The following SLC16A7 variants were observed in gnomAD, a reference collection of about 807,000 sequenced individuals.
SLC16A7 encodes solute carrier family 16 member 7.
In SLC16A7, 33 loss-of-function variants were observed where a neutral mutation model predicts 34.9. That is an observed-to-expected ratio of 0.94 (90% CI 0.72 to 1.26). The LOEUF is 1.26. Ranked by LOEUF, SLC16A7 falls within the 50% of genes most tolerant of loss-of-function variation. SLC16A7 has a pLI of 0.00. For missense variants in SLC16A7, 573 were observed against 578.1 expected (o/e 0.99, Z 0.09); for synonymous variants, 201 against 206.6 (o/e 0.97, Z 0.23).
chr12:59,771,500 C>A, intron 4 of SLC16A7, 138 bp downstream of exon 4: 1 of 525,970 alleles, frequency 1.9e-6, no homozygotes, highest in Non-Finnish European at 3.1e-6. Flanking sequence ...ATATTTTCAT[C>A]TAGTACATTG....
chr12:59,699,809 A>C (rs1327474824), intron 2 of SLC16A7, among the ~76,000 whole-genome samples: 1 of 151,802 alleles, frequency 6.6e-6, no homozygotes, highest in Non-Finnish European at 1.5e-5. Context: ...AACAGCAAAA[A>C]AATTTGTTAT....
intron 3 of SLC16A7, among the ~76,000 whole-genome samples, chr12:59,766,745 G>C (rs1277095586): frequency 4.6e-5 from 7 of 152,272 alleles, no homozygotes; most frequent in African/African-American, 1.4e-4. Context: ...GTATTTTATT[G>C]AGGATTTTTG....
intron 2 of SLC16A7, among the ~76,000 whole-genome samples, chr12:59,682,060 A>G (rs1200051169): frequency 3.3e-5 from 5 of 152,214 alleles, no homozygotes; most frequent in Non-Finnish European, 7.3e-5. Flanking sequence ...TCTACTGGTC[A>G]TTAGAAAAAC....
At chr12:59,604,991 C>T (rs1878868566) in intron 1 of SLC16A7, among the ~76,000 whole-genome samples, 2 of 152,134 alleles carry the variant, frequency 1.3e-5, no homozygotes, top group Non-Finnish European at 1.5e-5. Flanking sequence ...GGACTACAGG[C>T]GCCCGCCACC....
rs1045981858 is a variant in SLC16A7 at position 59,788,100 on chromosome 12, A to C, written c.*8421A>C. ...TCTCCTTTTTTGATAGATTTTTGAA[A>C]TTGTTTTACTTACTACTTACATACT... On this transcript the variant is annotated 3_prime_UTR_variant, in exon 6 of 6. Coordinates refer to ENST00000547379, the MANE Select transcript of SLC16A7 (RefSeq NM_001270623.2). 5 of 152,072 alleles carry C rather than the reference A, an allele frequency of 3.3e-5. No individual in the cohort carries two copies. The highest frequency in any genetic ancestry group is 1.2e-4 in the African/African-American group (5 of 41,404). The allele number at this position is 152,072 out of a possible 1,614,324, so 9.4% of individuals were successfully genotyped here.
chr12:59,625,017 C>T (rs1435596113), intron 1 of SLC16A7, among the ~76,000 whole-genome samples: 2 of 151,746 alleles, frequency 1.3e-5, no homozygotes, highest in African/African-American at 4.8e-5. Context: ...TTTCCCCTTT[C>T]AGTTAGTTTT....
intron 3 of SLC16A7, among the ~76,000 whole-genome samples, chr12:59,752,876 A>T (rs911600332): frequency 1.3e-5 from 2 of 152,252 alleles, no homozygotes; most frequent in African/African-American, 4.8e-5. Flanking sequence ...TTACCCACAA[A>T]GGGAAGCCCA....
intron 1 of SLC16A7, among the ~76,000 whole-genome samples, chr12:59,606,720 T>C (rs540844531): frequency 2.0e-5 from 3 of 152,260 alleles, no homozygotes; most frequent in South Asian, 2.1e-4. Context: ...TAATTAAGCA[T>C]TGCTATATGA....
chr12:59,721,706 C>T (rs1032163363), intron 3 of SLC16A7, among the ~76,000 whole-genome samples: 2 of 151,890 alleles, frequency 1.3e-5, no homozygotes, highest in African/African-American at 2.4e-5. Context: ...TGAAATTGCT[C>T]TTTCCAAGTT....
intron 5 of SLC16A7, among the ~76,000 whole-genome samples, chr12:59,778,165 C>T (rs1010294457): frequency 6.6e-6 from 1 of 152,014 alleles, no homozygotes; most frequent in Non-Finnish European, 1.5e-5. Flanking sequence ...GTGGTATTAA[C>T]TCTGATGGGC....
In SLC16A7 at chr12:59,676,638, T is replaced by A. The variant is rs1870336317; in HGVS notation, c.-31+21388T>A. 2.0e-5 allele frequency among the ~76,000 whole-genome samples: 3 copies of A among 152,116 alleles called. No homozygotes were observed. The South Asian group carries it at 6.2e-4, about 32-fold the overall frequency. On this transcript the variant is annotated intron_variant, in intron 2 of 5. Coordinates refer to ENST00000547379, the MANE Select transcript of SLC16A7 (RefSeq NM_001270623.2). ...GCTTTTCTTTACTCCTCAATTACTCTAAGTTATTATAATGTTTAATTTTTT... is the reference window on the plus strand; with the variant it reads ...GCTTTTCTTTACTCCTCAATTACTCAAAGTTATTATAATGTTTAATTTTTT...
At chr12:59,730,832 T>C (rs1464738454) in intron 3 of SLC16A7, among the ~76,000 whole-genome samples, 1 of 152,194 alleles carries the variant, frequency 6.6e-6, no homozygotes, top group Non-Finnish European at 1.5e-5. Flanking sequence ...TAAGAAAGTT[T>C]CATGGTCTCT....
intron 3 of SLC16A7, among the ~76,000 whole-genome samples, chr12:59,723,398 C>A (rs1936358102): frequency 6.6e-6 from 1 of 151,608 alleles, no homozygotes; most frequent in Admixed American, 6.6e-5. Flanking sequence ...ACAAAGGTGA[C>A]AAAGATGTAG....
chr12:59,751,393 C>G (rs1299607124), intron 3 of SLC16A7, among the ~76,000 whole-genome samples: 3 of 152,204 alleles, frequency 2.0e-5, no homozygotes, highest in African/African-American at 7.2e-5. Context: ...TCGGGTCACT[C>G]CCACCCCAAT....
At position 59,704,694 on chromosome 12, in the gene SLC16A7, A is replaced by G; in HGVS notation, c.-30-78A>G. 10 of 685,926 alleles carry G rather than the reference A, an allele frequency of 1.5e-5. No homozygotes were observed. In the South Asian group the frequency reaches 2.0e-4, roughly 13 times the overall value. 42.5% of individuals were successfully genotyped at this position (685,926 alleles called of 1,614,324 possible). On this transcript the variant is annotated intron_variant, in intron 2 of 5. Transcript: ENST00000547379. ...CATATTGTAGTTTTAACTGGAAAGT[A>G]CTATTTTAGTGACTATGAAGAGTGG...
intron 3 of SLC16A7, chr12:59,768,085 A>G (rs1439458310): frequency 1.3e-5 from 6 of 446,854 alleles, no homozygotes; most frequent in Admixed American, 1.2e-4. Flanking sequence ...TAGAACTTAA[A>G]GCATAATAAA....
chr12:59,729,583 G>A (rs752524953), intron 3 of SLC16A7, among the ~76,000 whole-genome samples: 18 of 151,948 alleles, frequency 1.2e-4, no homozygotes, highest in Non-Finnish European at 2.1e-4. Flanking sequence ...TTCTCTACAA[G>A]AAGCCCAACC....
chr12:59,638,724 A>G (rs61936299), intron 1 of SLC16A7, among the ~76,000 whole-genome samples: 3,850 of 152,258 alleles, frequency 0.025, 77 homozygotes, highest in Non-Finnish European at 0.037. Context: ...AGGAAACATG[A>G]TACTAAGTAC....
intron 2 of SLC16A7, among the ~76,000 whole-genome samples, chr12:59,700,989 A>C (rs886966483): frequency 1.2e-4 from 18 of 151,664 alleles, no homozygotes; most frequent in African/African-American, 4.3e-4. Context: ...GCTCAAGATG[A>C]GATCGTCATG....
Sources: gnomAD v4.1 joint callset for allele counts (sites outside exome capture counted in the v4.1 genomes callset) on GRCh38, gnomAD v4.1.1 for gene constraint, MANE v1.5 for transcripts, NCBI Gene and HGNC (gene_info 2026-07-23, HGNC 2026-07-21) for gene names.